Variants in NOXA1 observed in about 807,000 individuals in gnomAD.
NOXA1 encodes NCF2-like protein.
NOXA1 carries 56 observed loss-of-function variants against 64.8 expected under a neutral mutation model. The ratio of observed to expected loss-of-function variants is 0.86; its 90% CI spans 0.70 to 1.08. The LOEUF is 1.08. Among genes scored for constraint, NOXA1 ranks in the 50% least tolerant of loss-of-function variants. The pLI, the probability that NOXA1 is intolerant of heterozygous loss-of-function variation, is 0.00. For synonymous variants in NOXA1, 295 were observed against 294.8 expected, an observed-to-expected ratio of 1.00 and a Z score of -0.01; for missense variants, 668 against 658.5, an observed-to-expected ratio of 1.01 and a Z score of -0.16.
At chr9:137,433,300 G>A (rs1269098860) in intron 10 of NOXA1, 37 bp downstream of exon 10, 2 of 1,520,004 alleles carry the variant, frequency 1.3e-6, no homozygotes, top group African/African-American at 1.4e-5. Flanking sequence ...TCAGTCACCT[G>A]AGGGAGGCTG....
Position 137,423,403 on chromosome 9 carries a change from C to T in NOXA1, c.-127C>T. 2.2e-6 allele frequency: 1 copy of T among 446,628 alleles called. No homozygotes were observed. Among genetic ancestry groups the T allele is most frequent in the Non-Finnish European group, 3.3e-6 (1 of 303,814 alleles). 27.7% of individuals were successfully genotyped at this position (446,628 alleles called of 1,614,324 possible). ...GGGGCGCCGCGGGGCAGCGGGGTTG[C>T]ACCTGGCGCTTGGCGCCCGCACCTC... is the stretch of plus-strand genomic sequence containing the variant. On this transcript the variant is annotated 5_prime_UTR_variant, in exon 1 of 14. Coordinates refer to ENST00000683555, the MANE Select transcript of NOXA1 (RefSeq NM_001256067.2).
Position 137,431,253 on chromosome 9 carries a change from C to T in NOXA1, c.716C>T (p.Ser239Phe). ...NHDARSLIMD[S>F]PRAGTHQGPL... is the part of the protein sequence containing the mutation. Reference sequence around the variant, plus strand: ...CTCCCTAGGTCCCTAATCATGGACTCCCCAAGAGCTGGCACCCACCAGGGC... The same window carrying T: ...CTCCCTAGGTCCCTAATCATGGACTTCCCAAGAGCTGGCACCCACCAGGGC... Residue 239 changes from serine (S) to phenylalanine (F), a missense_variant, in exon 8 of 14, where the codon TCC (serine) becomes TTC (phenylalanine). Transcript: ENST00000683555. The surrounding 1 kb of genome is among the most constrained non-coding windows in gnomAD (Gnocchi z 5.6). The T allele has an allele frequency of 4.3e-6, 7 of 1,612,800 alleles. No individual in the cohort carries two copies. Among genetic ancestry groups the T allele is most frequent in the Non-Finnish European group, 5.9e-6 (7 of 1,179,900 alleles).
At chr9:137,429,424 C>A (rs369422394) in intron 5 of NOXA1, 41 bp downstream of exon 5, 8 of 1,394,788 alleles carry the variant, frequency 5.7e-6, no homozygotes, top group Non-Finnish European at 6.9e-6. Context: ...GCGGCTGGTG[C>A]TGAGCCCTCG....
At chr9:137,426,493 C>G (rs929037968) in intron 2 of NOXA1, among the ~76,000 whole-genome samples, 163 bp downstream of exon 2, 1 of 152,214 alleles carries the variant, frequency 6.6e-6, no homozygotes, top group East Asian at 1.9e-4. Context: ...TGGCCCTCGC[C>G]TCTGCTGAGC....
At chr9:137,430,695 G>A in intron 5 of NOXA1, 89 bp from the exon 6 acceptor site, 1 of 1,205,156 alleles carries the variant, frequency 8.3e-7, no homozygotes, top group South Asian at 1.6e-5. Context: ...CGGGGACTTA[G>A]AGCTGCGGGG....
intron 10 of NOXA1, 28 bp downstream of exon 10, chr9:137,433,291 C>G: frequency 1.3e-6 from 2 of 1,539,328 alleles, no homozygotes. Flanking sequence ...CTTCACCTGT[C>G]AGTCACCTGA....
At chr9:137,424,045 G>GAGCCCTC (rs1271671640) in intron 1 of NOXA1, among the ~76,000 whole-genome samples, 5 of 152,172 alleles carry the variant, frequency 3.3e-5, no homozygotes, top group Non-Finnish European at 7.4e-5. Context: ...CTCCTCCTCA[G>GAGCCCTC]AGCCCTCAGC....
Position 137,423,641 on chromosome 9 carries a change from G to T in NOXA1, c.112G>T (p.Ala38Ser). The T allele has an allele frequency of 1.4e-6, 2 of 1,429,306 alleles. No individual in the cohort carries two copies. The highest frequency in any genetic ancestry group is 1.8e-6 in the Non-Finnish European group (2 of 1,088,648). The allele number at this position is 1,429,306 out of a possible 1,614,324, so 88.5% of individuals were successfully genotyped here. The part of the protein sequence containing the change: ...HLFSGVPAPP[A>S]RLCFNAGCVH... ...CTTCTCGGGCGTCCCGGCGCCGCCC[G>T]CCAGGCTGTGCTTCAACGCGGGCTG... Residue 38 changes from alanine (A) to serine (S), a missense_variant, in exon 1 of 14, where the codon GCC becomes TCC. Transcript: ENST00000683555.
At position 137,433,813 on chromosome 9, in the gene NOXA1, G is replaced by C; in HGVS notation, c.1128G>C (p.Arg376Ser). Residue 376 changes from arginine to serine, a missense_variant, in exon 12 of 14, where the codon AGG becomes AGC. Physicochemically the swap from Arg to Ser is moderately radical, Grantham distance 110 (BLOSUM62 -1). Coordinates refer to ENST00000683555, the MANE Select transcript of NOXA1 (RefSeq NM_001256067.2). Reference protein sequence around the residue: ...VPIPEEESLQRAWQDAAACPR... With the variant: ...VPIPEEESLQSAWQDAAACPR... ...TCCCCGAGGAGGAGTCGCTGCAGAG[G>C]GCCTGGCAGGACGCAGCTGCCTGCC... The C allele has an allele frequency of 1.4e-6, 2 of 1,453,036 alleles. No homozygotes were observed. The highest frequency in any genetic ancestry group is 1.8e-6 in the Non-Finnish European group (2 of 1,100,048). The allele number at this position is 1,453,036 out of a possible 1,614,324, so 90.0% of individuals were successfully genotyped here.
chr9:137,432,942 C>T (rs1377772924), intron 8 of NOXA1, 87 bp from the exon 9 acceptor site: 1 of 1,463,310 alleles, frequency 6.8e-7, no homozygotes, highest in East Asian at 2.3e-5. Context: ...GCACACAGGC[C>T]ACACCCTTGG....
chr9:137,432,561 C>A (rs1554747206), intron 8 of NOXA1, among the ~76,000 whole-genome samples: 1 of 152,254 alleles, frequency 6.6e-6, no homozygotes, highest in Non-Finnish European at 1.5e-5. Flanking sequence ...GCCTGGGCGA[C>A]AGAGCGAGAC....
Position 137,433,557 on chromosome 9 carries a change from G to C in NOXA1, c.1014G>C (p.Arg338=). 1 of 1,569,804 alleles carries C rather than the reference G, an allele frequency of 6.4e-7. No individual in the cohort carries two copies. The change falls in exon 11 of 14, where the codon CGG becomes CGC. Residue 338 remains arginine (R), a synonymous_variant. Transcript: ENST00000683555. ...ARRGADLSSL[R]ALLGQALPHQ... is the part of the protein sequence containing the mutation. ...GAGGAGCCGACCTGTCCAGCCTGCGGGCACTGCTGGGCCAAGCCCTCCCTC... is the reference window on the plus strand; with the variant it reads ...GAGGAGCCGACCTGTCCAGCCTGCGCGCACTGCTGGGCCAAGCCCTCCCTC...
intron 3 of NOXA1, 116 bp from the exon 4 acceptor site, chr9:137,428,766 G>T: frequency 9.7e-7 from 1 of 1,031,512 alleles, no homozygotes. Context: ...GGGGCCAGGT[G>T]GGGGGACTGG....
Position 137,433,075 on chromosome 9 carries a change from G to T in NOXA1, c.850+1G>T, listed in dbSNP as rs1839185060. On this transcript the variant is annotated splice_donor_variant, in intron 9 of 13. Coordinates refer to ENST00000683555, the MANE Select transcript of NOXA1 (RefSeq NM_001256067.2). LOFTEE classifies it high-confidence loss of function. ...GGCAAACAGGCTCCTCTCTCCCCAG[G>T]TATGGGCGTCCTCAGCGGCGGGGTC... The T allele has an allele frequency of 6.2e-7, 1 of 1,612,744 alleles. No individual in the cohort carries two copies. Among genetic ancestry groups the T allele is most frequent in the East Asian group, 2.2e-5 (1 of 44,888 alleles).
chr9:137,433,969 C>A lies in NOXA1; in HGVS notation c.1184C>A (p.Ala395Asp). 6.5e-7 allele frequency: 1 copy of A among 1,545,820 alleles called. No homozygotes were observed. Among genetic ancestry groups the A allele is most frequent in the Non-Finnish European group, 8.7e-7 (1 of 1,148,026 alleles). The change falls in exon 13 of 14, where the codon GCC becomes GAC. Residue 395 changes from alanine to aspartate, a missense_variant. Physicochemically the swap from Ala to Asp is moderately radical, Grantham distance 126. Transcript: ENST00000683555. ...CAGCCCACTCTCCTGCCTCAGGGAG[C>A]CGGGGGTCGGCCGGTCCTCTACCAG... ...PRGLQLQCRG[A>D]GGRPVLYQVV... is the part of the protein sequence containing the mutation.
chr9:137,426,099 C>T (rs959632674), intron 1 of NOXA1, 149 bp from the exon 2 acceptor site: 9 of 693,802 alleles, frequency 1.3e-5, no homozygotes, highest in African/African-American at 3.5e-5. Flanking sequence ...GCAGGGGCTC[C>T]GAAGGTTCCT....
At chr9:137,427,628 G>A (rs900056490) in intron 2 of NOXA1, among the ~76,000 whole-genome samples, 3 of 152,222 alleles carry the variant, frequency 2.0e-5, no homozygotes. Context: ...AGGCCTCTCC[G>A]GCAGGCGCTG....
intron 6 of NOXA1, 87 bp from the exon 7 acceptor site, chr9:137,430,988 C>T: frequency 1.9e-6 from 3 of 1,604,400 alleles, no homozygotes; most frequent in Non-Finnish European, 1.7e-6. Flanking sequence ...TGTGTAAGAC[C>T]TGGGGAAACC....
In NOXA1 at chr9:137,428,081, G is replaced by A. The variant is rs774091897; in HGVS notation, c.309G>A (p.Arg103=). ...SDFWLALEQL[R]GHAAIDYTQL... ...TCTGGCTGGCCCTGGAGCAGCTGAG[G>A]GGCCACGCTGCCATCGACTACACGC... Residue 103 remains arginine, a synonymous_variant, in exon 3 of 14, where the codon AGG becomes AGA. Coordinates refer to ENST00000683555, the MANE Select transcript of NOXA1 (RefSeq NM_001256067.2). 3.8e-6 allele frequency: 6 copies of A among 1,587,822 alleles called. No homozygotes were observed. The highest frequency in any genetic ancestry group is 2.3e-5 in the South Asian group (2 of 87,082).
Sources: gnomAD v4.1 joint callset for allele counts (sites outside exome capture counted in the v4.1 genomes callset) on GRCh38, gnomAD v4.1.1 for gene constraint, Gnocchi (gnomAD v3.1) non-coding constraint, MANE v1.5 for transcripts, NCBI Gene and HGNC (gene_info 2026-07-23, HGNC 2026-07-21) for gene names.